LRRC7: variants seen among roughly 807,000 people sequenced by gnomAD.
LRRC7 encodes leucine rich repeat containing 7.
In LRRC7, 23 loss-of-function variants were observed where a neutral mutation model predicts 175.7. That is an observed-to-expected ratio of 0.13 (90% CI 0.09 to 0.19). The LOEUF is 0.19. LRRC7 is among the 10% of genes least tolerant of loss of function. LRRC7 has a pLI of 1.00. For synonymous variants in LRRC7, 685 were observed against 680.9 expected, an observed-to-expected ratio of 1.01 and a Z score of -0.09; for missense variants, 1,354 against 1,904.7, an observed-to-expected ratio of 0.71 and a Z score of 5.38.
intron 23 of LRRC7, among the ~76,000 whole-genome samples, chr1:70,067,239 C>CT (rs997328654): frequency 6.6e-6 from 1 of 151,622 alleles, no homozygotes; most frequent in African/African-American, 2.4e-5. Context: ...TGTAGCTTGA[C>CT]TTTTTTTTCA....
chr1:69,984,041 T>C (rs1653697694), intron 9 of LRRC7, among the ~76,000 whole-genome samples: 2 of 152,110 alleles, frequency 1.3e-5, no homozygotes, highest in South Asian at 4.1e-4. Flanking sequence ...TTCTCCTGCC[T>C]CAGCCTCCTG....
intron 23 of LRRC7, among the ~76,000 whole-genome samples, chr1:70,073,097 A>C (rs1434873783): frequency 6.6e-6 from 1 of 152,216 alleles, no homozygotes; most frequent in Non-Finnish European, 1.5e-5. Context: ...TGTCCTCAGC[A>C]AAATTGGATA....
intron 11 of LRRC7, among the ~76,000 whole-genome samples, chr1:70,004,018 C>G (rs1361072655): frequency 6.6e-6 from 1 of 152,038 alleles, no homozygotes; most frequent in African/African-American, 2.4e-5. Flanking sequence ...AATCAACTTT[C>G]TAAATAGTGA....
Position 70,039,848 on chromosome 1 carries a change from T to C in LRRC7, c.3969+55T>C, listed in dbSNP as rs370712679. ...CCCTCCTGCCTTTAGTGTTACTTTATTGGCATTTCTAAGCACATGTAGTGA... is the reference window on the plus strand; with the variant it reads ...CCCTCCTGCCTTTAGTGTTACTTTACTGGCATTTCTAAGCACATGTAGTGA... On this transcript the variant is annotated intron_variant, in intron 21 of 26. Transcript: ENST00000651989. The C allele has an allele frequency of 4.5e-5, 69 of 1,521,074 alleles. No individual in the cohort carries two copies. The East Asian group carries it at 1.2e-3, about 26-fold the overall frequency. The allele number at this position is 1,521,074 out of a possible 1,614,324, so 94.2% of individuals were successfully genotyped here.
At chr1:70,118,342 C>CAA (rs201164918) in intron 26 of LRRC7, among the ~76,000 whole-genome samples, 43 of 140,690 alleles carry the variant, frequency 3.1e-4, no homozygotes, top group South Asian at 9.0e-4. Context: ...TCCTTCCACT[C>CAA]AAAAAAAAAA....
intron 7 of LRRC7, among the ~76,000 whole-genome samples, chr1:69,858,123 A>C (rs1683918811): frequency 6.6e-6 from 1 of 152,208 alleles, no homozygotes; most frequent in Admixed American, 6.5e-5. Context: ...AGATGGATTA[A>C]AGACTTAAAT....
chr1:70,033,729 A>G (rs565421014), intron 18 of LRRC7, among the ~76,000 whole-genome samples: 157 of 152,310 alleles, frequency 1.0e-3, no homozygotes, highest in African/African-American at 3.6e-3. Flanking sequence ...AGTCGAATCA[A>G]TACAAACAAG....
At chr1:69,829,155 A>T (rs935312577) in intron 5 of LRRC7, among the ~76,000 whole-genome samples, 13 of 151,988 alleles carry the variant, frequency 8.6e-5, no homozygotes, top group Non-Finnish European at 1.5e-4. Context: ...TGAGCAGCAG[A>T]TATTAGTATT....
At chr1:69,699,041 T>G (rs1483524011) in intron 2 of LRRC7, among the ~76,000 whole-genome samples, 1 of 152,128 alleles carries the variant, frequency 6.6e-6, no homozygotes, top group Non-Finnish European at 1.5e-5. Flanking sequence ...TACTTTAAGT[T>G]CTAGGGTACA....
At chr1:69,646,463 G>C (rs891258009) in intron 1 of LRRC7, among the ~76,000 whole-genome samples, 1 of 151,964 alleles carries the variant, frequency 6.6e-6, no homozygotes, top group African/African-American at 2.4e-5. Context: ...GGGATATTAG[G>C]GACTTACCAA....
At chr1:69,757,358 G>T (rs993847465) in intron 2 of LRRC7, among the ~76,000 whole-genome samples, 1 of 151,930 alleles carries the variant, frequency 6.6e-6, no homozygotes, top group Non-Finnish European at 1.5e-5. Flanking sequence ...TACCTTAGGG[G>T]AGAACCAAGT....
chr1:69,997,632 G>A (rs1447733810), intron 11 of LRRC7, among the ~76,000 whole-genome samples: 3 of 150,262 alleles, frequency 2.0e-5, no homozygotes, highest in Non-Finnish European at 4.4e-5. Flanking sequence ...TTTTGTCAAA[G>A]GCCTTTTCTG....
chr1:69,993,319 T>C (rs1654619604), intron 10 of LRRC7, among the ~76,000 whole-genome samples: 1 of 152,182 alleles, frequency 6.6e-6, no homozygotes, highest in Admixed American at 6.5e-5. Context: ...AACATTTCTC[T>C]CTACTGCAGT....
chr1:69,799,080 G>T (rs74087738), intron 4 of LRRC7, among the ~76,000 whole-genome samples: 578 of 145,016 alleles, frequency 4.0e-3, no homozygotes, highest in African/African-American at 0.014. Flanking sequence ...TGACTTGAAA[G>T]ATTTATATAC....
At chr1:70,084,114 C>A (rs1663424458) in intron 24 of LRRC7, among the ~76,000 whole-genome samples, 4 of 152,124 alleles carry the variant, frequency 2.6e-5, no homozygotes, top group African/African-American at 9.7e-5. Context: ...TCCTCTCCTT[C>A]TATTCTTTCT....
chr1:70,092,196 G>GTT (rs1664077497), intron 25 of LRRC7, among the ~76,000 whole-genome samples: 1 of 152,078 alleles, frequency 6.6e-6, no homozygotes, highest in Non-Finnish European at 1.5e-5. Context: ...ATATTAAACA[G>GTT]TAAGAAAATG....
chr1:69,831,209 T>A (rs778097284), intron 5 of LRRC7, among the ~76,000 whole-genome samples: 17 of 151,988 alleles, frequency 1.1e-4, no homozygotes, highest in Non-Finnish European at 2.2e-4. Flanking sequence ...GTTTTAACAT[T>A]CGTCTAATTT....
intron 7 of LRRC7, among the ~76,000 whole-genome samples, chr1:69,847,368 T>C (rs1230605985): frequency 6.6e-6 from 1 of 152,150 alleles, no homozygotes; most frequent in East Asian, 1.9e-4. Context: ...ATTCCTGTGG[T>C]CTCAGGTATT....
Position 70,128,394 on chromosome 1 carries a change from G to C in LRRC7, c.*6507G>C, listed in dbSNP as rs1030946846. Reference sequence around the variant, plus strand: ...TTTATCACTGTTGCACAAGTGTATTGTTTGTGCTTATTTTTTTTCCTTCTT... The same window carrying C: ...TTTATCACTGTTGCACAAGTGTATTCTTTGTGCTTATTTTTTTTCCTTCTT... On this transcript the variant is annotated 3_prime_UTR_variant, in exon 27 of 27. Coordinates refer to ENST00000651989, the MANE Select transcript of LRRC7 (RefSeq NM_001370785.2). 9.4e-6 allele frequency: 1 copy of C among 106,620 alleles called. No homozygotes were observed. Among genetic ancestry groups the C allele is most frequent in the African/African-American group, 4.0e-5 (1 of 25,058 alleles). 6.6% of individuals were successfully genotyped at this position (106,620 alleles called of 1,614,324 possible). A position where few individuals can be genotyped will look rare whatever the true frequency, so the allele number is the denominator to read the frequency against.
Sources: gnomAD v4.1 joint callset for allele counts (sites outside exome capture counted in the v4.1 genomes callset) on GRCh38, gnomAD v4.1.1 for gene constraint, MANE v1.5 for transcripts, NCBI Gene and HGNC (gene_info 2026-07-23, HGNC 2026-07-21) for gene names.